Variants in PKIB observed in about 807,000 individuals in gnomAD.
PKIB encodes the protein cAMP-dependent protein kinase inhibitor beta, also known as PKI-beta.
Under a neutral mutation model 4.5 loss-of-function variants are expected in PKIB, and 2 were observed. The ratio of observed to expected loss-of-function variants is 0.44; its 90% CI spans 0.18 to 1.39. PKIB has a LOEUF of 1.39. Among genes scored for constraint, PKIB ranks in the 40% most tolerant of loss-of-function variants. The probability of loss-of-function intolerance (pLI) is 0.27; values close to 1 mark genes in which losing one functional copy is unlikely to be tolerated. For missense variants in PKIB, 94 were observed against 92.6 expected (o/e 1.02, Z -0.06); for synonymous variants, 38 against 36.0 (o/e 1.06, Z -0.20).
chr6:122,510,422 G>A (rs1210747245), intron 2 of PKIB, among the ~76,000 whole-genome samples: 2 of 152,172 alleles, frequency 1.3e-5, no homozygotes, highest in African/African-American at 4.8e-5. Flanking sequence ...ATATCTGGCT[G>A]TAGGTTTTTT....
chr6:122,495,391 A>G (rs567078748), intron 2 of PKIB, among the ~76,000 whole-genome samples: 147 of 151,640 alleles, frequency 9.7e-4, no homozygotes, highest in Non-Finnish European at 1.7e-3. Context: ...TGAAAGCCCA[A>G]CCCCCACAGG....
At chr6:122,675,992 TA>T (rs78938200) in intron 3 of PKIB, among the ~76,000 whole-genome samples, 38,952 of 151,840 alleles carry the variant, frequency 0.26, 5,472 homozygotes, top group East Asian at 0.39. Context: ...TTGGAGGGGA[TA>T]AGGGACGGTT....
At chr6:122,652,801 AT>A (rs1776613411) in intron 2 of PKIB, 1 of 152,198 alleles carries the variant, frequency 6.6e-6, no homozygotes. Flanking sequence ...TCTTTAAAAC[AT>A]AGAATGAAAT....
chr6:122,487,164 AAAT>A (rs1022516699), intron 2 of PKIB, among the ~76,000 whole-genome samples: 1 of 152,226 alleles, frequency 6.6e-6, no homozygotes, highest in Non-Finnish European at 1.5e-5. Context: ...TATAACAAAA[AAAT>A]AAATAAATAG....
intron 2 of PKIB, among the ~76,000 whole-genome samples, chr6:122,494,598 A>C (rs1776026297): frequency 6.6e-6 from 1 of 152,200 alleles, no homozygotes. Context: ...ATGGGAAAAA[A>C]AATTGCCTTT....
intron 2 of PKIB, among the ~76,000 whole-genome samples, chr6:122,508,174 T>C (rs1345723072): frequency 1.3e-5 from 2 of 152,214 alleles, no homozygotes; most frequent in Non-Finnish European, 2.9e-5. Flanking sequence ...TCCATGATAG[T>C]AAAACAGGAA....
intron 2 of PKIB, among the ~76,000 whole-genome samples, chr6:122,536,659 GATTTT>G (rs2114627093): frequency 6.6e-6 from 1 of 152,072 alleles, no homozygotes; most frequent in Non-Finnish European, 1.5e-5. Flanking sequence ...GGAAAGAATA[GATTTT>G]ATTTATGAAA....
intron 2 of PKIB, among the ~76,000 whole-genome samples, chr6:122,518,247 C>T (rs1480011173): frequency 6.6e-6 from 1 of 152,134 alleles, no homozygotes; most frequent in Admixed American, 6.6e-5. Context: ...TGTACAAATG[C>T]AGGCAGTGGG....
chr6:122,670,881 G>T (rs956482825), intron 2 of PKIB, among the ~76,000 whole-genome samples: 4 of 152,236 alleles, frequency 2.6e-5, no homozygotes, highest in African/African-American at 9.6e-5. Context: ...TACAGTTGAA[G>T]TGGTTAACTT....
At chr6:122,718,081 T>A in intron 4 of PKIB, 118 bp downstream of exon 4, 2 of 1,031,998 alleles carry the variant, frequency 1.9e-6, no homozygotes, top group Non-Finnish European at 1.4e-6. Flanking sequence ...TTTGTTTACT[T>A]AAACCTCTCA....
chr6:122,678,389 A>G (rs764820624), intron 3 of PKIB, among the ~76,000 whole-genome samples: 1 of 151,942 alleles, frequency 6.6e-6, no homozygotes, highest in Non-Finnish European at 1.5e-5. Context: ...CATTTTCTCT[A>G]TTGCCTTCTT....
chr6:122,592,439 C>T (rs1158906034), intron 3 of PKIB, among the ~76,000 whole-genome samples: 1 of 152,052 alleles, frequency 6.6e-6, no homozygotes, highest in East Asian at 1.9e-4. Context: ...AAATTTTGGT[C>T]TTTAAAAGAA....
chr6:122,563,583 G>C (rs754004870), intron 2 of PKIB, among the ~76,000 whole-genome samples: 1 of 151,972 alleles, frequency 6.6e-6, no homozygotes, highest in African/African-American at 2.4e-5. Flanking sequence ...AACATCAGGC[G>C]GGGGCAGGAC....
Position 122,537,413 on chromosome 6 carries a change from G to A in PKIB, c.-247-48508G>A, listed in dbSNP as rs1034489624. 4.5e-4 allele frequency among the ~76,000 whole-genome samples: 68 copies of A among 151,932 alleles called. 1 individual carries two copies. Among genetic ancestry groups the A allele is most frequent in the African/African-American group, 1.4e-3 (57 of 41,468 alleles). The stretch of plus-strand genomic sequence containing the variant: ...TTCCCACCTATGAGTGAGAACATGC[G>A]GTTTTTTGTGAGAACATTTTGGTTT... On this transcript the variant is annotated intron_variant, in intron 2 of 6. Transcript: ENST00000392491.
intron 1 of PKIB, among the ~76,000 whole-genome samples, chr6:122,473,242 A>G (rs902572369): frequency 6.6e-6 from 1 of 152,244 alleles, no homozygotes; most frequent in African/African-American, 2.4e-5. Context: ...AGTACCAGAG[A>G]AGGAGACAAA....
chr6:122,619,109 TA>T (rs1356919829), intron 1 of PKIB, among the ~76,000 whole-genome samples: 1 of 151,974 alleles, frequency 6.6e-6, no homozygotes, highest in Non-Finnish European at 1.5e-5. Flanking sequence ...AAGAGCTTTT[TA>T]TTGATAAATA....
At position 122,560,378 on chromosome 6, in the gene PKIB, A is replaced by G. The variant is rs565765047; in HGVS notation, c.-247-25543A>G. 9.9e-5 allele frequency among the ~76,000 whole-genome samples: 15 copies of G among 152,216 alleles called. No individual in the cohort carries two copies. In the South Asian group the frequency reaches 2.9e-3, roughly 29 times the overall value. On this transcript the variant is annotated intron_variant, in intron 2 of 6. Transcript: ENST00000392491. ...CTTGCATATGCTAAACCATCCCTGC[A>G]TCCCTGGCATGAAACCCACTTGATC...
At chr6:122,655,774 T>TA (rs1158535907) in intron 2 of PKIB, among the ~76,000 whole-genome samples, 2 of 152,174 alleles carry the variant, frequency 1.3e-5, no homozygotes, top group South Asian at 4.1e-4. Flanking sequence ...ACTTACTTTT[T>TA]AAAAAATTGG....
intron 1 of PKIB, among the ~76,000 whole-genome samples, chr6:122,615,303 T>C (rs1220523247): frequency 6.6e-6 from 1 of 152,180 alleles, no homozygotes; most frequent in East Asian, 1.9e-4. Context: ...CTGGAAGGAC[T>C]GCTCTAGTAG....
Sources: allele counts gnomAD v4.1 joint callset (sites outside exome capture counted in the v4.1 genomes callset), GRCh38; gene constraint gnomAD v4.1.1; transcripts MANE v1.5; gene names NCBI Gene and HGNC (gene_info 2026-07-23, HGNC 2026-07-21).